TMEM202: variants seen among roughly 807,000 people sequenced by gnomAD.
TMEM202 encodes the protein transmembrane protein 202.
Under a neutral mutation model 26.1 loss-of-function variants are expected in TMEM202, and 25 were observed. The observed-to-expected ratio is 0.96, with a 90% CI of 0.70 to 1.34. The LOEUF (loss-of-function observed/expected upper bound fraction) is 1.34. Among genes scored for constraint, TMEM202 ranks in the 40% most tolerant of loss-of-function variants. The probability of loss-of-function intolerance (pLI) is 0.00; values close to 1 mark genes in which losing one functional copy is unlikely to be tolerated. For missense variants in TMEM202, 301 were observed against 327.7 expected, an observed-to-expected ratio of 0.92 and a Z score of 0.63; for synonymous variants, 122 against 119.0, an observed-to-expected ratio of 1.02 and a Z score of -0.16.
chr15:72,407,342 T>G, intron 4 of TMEM202, 125 bp downstream of exon 4: 1 of 1,156,600 alleles, frequency 8.6e-7, no homozygotes, highest in Non-Finnish European at 1.2e-6. Flanking sequence ...ACTTGGAGAG[T>G]CAGGGGGGCA....
chr15:72,404,312 G>T (rs1595825620), intron 2 of TMEM202, among the ~76,000 whole-genome samples: 1 of 152,160 alleles, frequency 6.6e-6, no homozygotes, highest in South Asian at 2.1e-4. Context: ...CTACTCAAGA[G>T]GCTGAGGTGG....
intron 2 of TMEM202, among the ~76,000 whole-genome samples, chr15:72,403,967 G>A (rs1273790184): frequency 6.6e-6 from 1 of 152,148 alleles, no homozygotes; most frequent in Non-Finnish European, 1.5e-5. Context: ...AATATATAAA[G>A]TTGCAGTCTT....
chr15:72,398,858 G>T lies in TMEM202; in HGVS notation c.287G>T (p.Trp96Leu), dbSNP rs765834130. The T allele has an allele frequency of 8.7e-6, 14 of 1,613,910 alleles. No homozygotes were observed. The highest frequency in any genetic ancestry group is 2.2e-5 in the East Asian group (1 of 44,874). Reference sequence around the variant, plus strand: ...GGCCTTGAGCTCTACGCAGGACTCTGGACCTTATGCAACCATGAGCTGTGC... The same window carrying T: ...GGCCTTGAGCTCTACGCAGGACTCTTGACCTTATGCAACCATGAGCTGTGC... The part of the protein sequence containing the change: ...KNGLELYAGL[W>L]TLCNHELCWS... The change falls in exon 2 of 5, where the codon TGG (tryptophan) becomes TTG (leucine). Residue 96 changes from tryptophan to leucine, a missense_variant. Physicochemically the swap from Trp to Leu is moderately conservative, Grantham distance 61 (BLOSUM62 -2). Coordinates refer to ENST00000341689, the MANE Select transcript of TMEM202 (RefSeq NM_001080462.3).
At chr15:72,407,668 C>T in intron 4 of TMEM202, 23 bp from the exon 5 acceptor site, 3 of 1,610,672 alleles carry the variant, frequency 1.9e-6, no homozygotes, top group Non-Finnish European at 8.5e-7. Flanking sequence ...TGAACCTCAC[C>T]TCAAATTATT....
intron 2 of TMEM202, among the ~76,000 whole-genome samples, chr15:72,405,345 G>T (rs1291182546): frequency 6.6e-6 from 1 of 152,156 alleles, no homozygotes; most frequent in Non-Finnish European, 1.5e-5. Context: ...GCTCAGAAAA[G>T]CTATAGCTAC....
At chr15:72,406,480 G>C (rs1156840573) in intron 2 of TMEM202, 122 bp from the exon 3 acceptor site, 1 of 715,408 alleles carries the variant, frequency 1.4e-6, no homozygotes, top group East Asian at 2.6e-5. Flanking sequence ...AGGATGTCAT[G>C]TAGCAAGCTC....
chr15:72,403,558 C>T (rs2063558304), intron 2 of TMEM202, among the ~76,000 whole-genome samples: 2 of 152,252 alleles, frequency 1.3e-5, no homozygotes, highest in African/African-American at 2.4e-5. Context: ...AGGCTTCTTA[C>T]AGAAACATAC....
chr15:72,406,202 A>G (rs1471699621), intron 2 of TMEM202, among the ~76,000 whole-genome samples: 1 of 152,148 alleles, frequency 6.6e-6, no homozygotes, highest in Non-Finnish European at 1.5e-5. Context: ...TAGAAAAATA[A>G]AATATTAACA....
chr15:72,407,907 C>T lies in TMEM202; in HGVS notation c.*14C>T, dbSNP rs768075602. On this transcript the variant is annotated 3_prime_UTR_variant, in exon 5 of 5. Transcript: ENST00000341689. ...CTGTGGTGGTGATAGGAAAACCTAA[C>T]TATAGCTTGTCTTAAAAGCAGGGGA... 6.2e-7 allele frequency: 1 copy of T among 1,607,436 alleles called. No individual in the cohort carries two copies. Among genetic ancestry groups the T allele is most frequent in the Non-Finnish European group, 8.5e-7 (1 of 1,176,152 alleles).
chr15:72,406,099 T>C (rs1328006096), intron 2 of TMEM202, among the ~76,000 whole-genome samples: 5 of 151,798 alleles, frequency 3.3e-5, no homozygotes, highest in Non-Finnish European at 7.4e-5. Flanking sequence ...TCGAAAATAA[T>C]ATTTACAACA....
At chr15:72,399,460 AG>A (rs1378921405) in intron 2 of TMEM202, among the ~76,000 whole-genome samples, 2 of 152,196 alleles carry the variant, frequency 1.3e-5, no homozygotes, top group Non-Finnish European at 2.9e-5. Context: ...CTCATTTACA[AG>A]GTGTTACTGC....
intron 2 of TMEM202, among the ~76,000 whole-genome samples, chr15:72,404,698 A>C (rs2063563355): frequency 6.6e-6 from 1 of 152,206 alleles, no homozygotes; most frequent in African/African-American, 2.4e-5. Flanking sequence ...AGCAAGCAAA[A>C]GAGGAAATCC....
In TMEM202 at chr15:72,407,177, T is replaced by C; in HGVS notation, c.579T>C (p.Tyr193=). ...TGGAGTCAGATCTCCTATGGACCTA[T>C]TATCTTAACTGGTGCAGTGACATCT... is the stretch of plus-strand genomic sequence containing the variant. ...DAMESDLLWT[Y]YLNWCSDIFY... The change falls in exon 4 of 5, where the codon TAT becomes TAC. Residue 193 remains tyrosine, a synonymous_variant. Coordinates refer to ENST00000341689, the MANE Select transcript of TMEM202 (RefSeq NM_001080462.3). 6.2e-7 allele frequency: 1 copy of C among 1,613,704 alleles called. No individual in the cohort carries two copies. The highest frequency in any genetic ancestry group is 8.5e-7 in the Non-Finnish European group (1 of 1,179,772).
At chr15:72,400,263 A>T (rs918036130) in intron 2 of TMEM202, among the ~76,000 whole-genome samples, 4 of 152,246 alleles carry the variant, frequency 2.6e-5, no homozygotes, top group Non-Finnish European at 5.9e-5. Flanking sequence ...ACATAGGAAA[A>T]ATAATTTAAC....
chr15:72,399,105 G>T (rs74705635), intron 2 of TMEM202, among the ~76,000 whole-genome samples, 197 bp downstream of exon 2: 1 of 152,162 alleles, frequency 6.6e-6, no homozygotes, highest in African/African-American at 2.4e-5. Context: ...CTAAATAATG[G>T]GTTATACTCT....
rs576930794 is a variant in TMEM202, at chr15:72,399,707, C to T, written c.337+799C>T. Among the ~76,000 whole-genome samples, 5 of 152,238 alleles carry T rather than the reference C, an allele frequency of 3.3e-5. No individual in the cohort carries two copies. The East Asian group carries it at 9.6e-4, about 29-fold the overall frequency. On this transcript the variant is annotated intron_variant, in intron 2 of 4. Coordinates refer to ENST00000341689, the MANE Select transcript of TMEM202 (RefSeq NM_001080462.3). ...AAATTTTATGTGAATTTAAATAAAT[C>T]TGAAAGTGCAACACAAAATATTTTA...
intron 2 of TMEM202, among the ~76,000 whole-genome samples, chr15:72,404,140 G>GT (rs1167992457): frequency 6.6e-6 from 1 of 152,206 alleles, no homozygotes; most frequent in Non-Finnish European, 1.5e-5. Flanking sequence ...TCTGCCAGGT[G>GT]TGGTGGCTCA....
At chr15:72,403,322 G>C (rs1471524547) in intron 2 of TMEM202, among the ~76,000 whole-genome samples, 1 of 152,102 alleles carries the variant, frequency 6.6e-6, no homozygotes, top group Non-Finnish European at 1.5e-5. Flanking sequence ...ATCTTACCAA[G>C]TTTTTCAGAT....
intron 1 of TMEM202, 45 bp from the exon 2 acceptor site, chr15:72,398,607 CA>C (rs1257096177): frequency 1.2e-6 from 2 of 1,604,612 alleles, no homozygotes; most frequent in Admixed American, 1.7e-5. Context: ...CCCTGGGGAT[CA>C]GGGGTTATTC....
Sources: gnomAD v4.1 joint callset for allele counts (sites outside exome capture counted in the v4.1 genomes callset) on GRCh38, gnomAD v4.1.1 for gene constraint, MANE v1.5 for transcripts, NCBI Gene and HGNC (gene_info 2026-07-23, HGNC 2026-07-21) for gene names.